Variants in PHYKPL observed in about 807,000 individuals in gnomAD.
The protein encoded by PHYKPL is 5-phosphohydroxy-L-lysine phospho-lyase.
Under a neutral mutation model 51.3 loss-of-function variants are expected in PHYKPL, and 42 were observed. That is an observed-to-expected ratio of 0.82 (90% confidence interval 0.64 to 1.06). The LOEUF (loss-of-function observed/expected upper bound fraction) is 1.06. Ranked by LOEUF, PHYKPL falls within the 50% of genes least tolerant of loss-of-function variation. The pLI, the probability that PHYKPL is intolerant of heterozygous loss-of-function variation, is 0.00. For synonymous variants in PHYKPL, 264 were observed against 236.0 expected (o/e 1.12, Z -1.09); for missense variants, 655 against 586.6 (o/e 1.12, Z -1.20).
chr5:178,228,564 CT>C, intron 3 of PHYKPL: 1 of 702,598 alleles, frequency 1.4e-6, no homozygotes, highest in Non-Finnish European at 2.6e-6. Flanking sequence ...GCTCAAGTTC[CT>C]TTCTTTGAAC....
At chr5:178,214,394 C>T (rs1287205684) in intron 10 of PHYKPL, among the ~76,000 whole-genome samples, 1 of 152,038 alleles carries the variant, frequency 6.6e-6, no homozygotes, top group Non-Finnish European at 1.5e-5. Flanking sequence ...GCATGGGAAC[C>T]CTGAGTCTAG....
chr5:178,228,969 C>T (rs529347551), intron 3 of PHYKPL, among the ~76,000 whole-genome samples: 1 of 152,338 alleles, frequency 6.6e-6, no homozygotes, highest in South Asian at 2.1e-4. Context: ...CAACAGCTCA[C>T]AGCCTCTGCT....
At chr5:178,212,823 A>T (rs1174376375) in intron 11 of PHYKPL, 150 bp downstream of exon 11, 2 of 1,135,706 alleles carry the variant, frequency 1.8e-6, no homozygotes, top group Admixed American at 5.6e-5. Flanking sequence ...TTGGGCCATG[A>T]AAGACCCTCT....
At chr5:178,222,963 A>C (rs1438694410) in intron 6 of PHYKPL, 29 bp from the exon 7 acceptor site, 6 of 1,611,038 alleles carry the variant, frequency 3.7e-6, no homozygotes, top group Non-Finnish European at 5.1e-6. Flanking sequence ...TGGGAACACG[A>C]CCATGGGGTT....
At chr5:178,226,833 A>G (rs912676797) in intron 3 of PHYKPL, 6 of 152,172 alleles carry the variant, frequency 3.9e-5, no homozygotes, top group Admixed American at 2.6e-4. Context: ...GTAACAAAAG[A>G]GTGTAACAAG....
At chr5:178,209,459 G>C (rs774619236) in intron 12 of PHYKPL, 1 of 1,608,856 alleles carries the variant, frequency 6.2e-7, no homozygotes, top group African/African-American at 1.3e-5. Context: ...TGAGTGGAAC[G>C]TGGATGAAGA....
intron 3 of PHYKPL, chr5:178,225,696 A>C: frequency 2.0e-6 from 1 of 489,026 alleles, no homozygotes; most frequent in Non-Finnish European, 3.7e-6. Flanking sequence ...AAAAACCCAA[A>C]CCATTGTTTT....
rs576067602 is a variant in PHYKPL at position 178,224,676 on chromosome 5, C to T, written c.467G>A (p.Arg156His). 32 of 1,614,084 alleles carry T rather than the reference C, an allele frequency of 2.0e-5. No individual in the cohort carries two copies. Among genetic ancestry groups the T allele is most frequent in the Non-Finnish European group, 1.9e-5 (23 of 1,180,040 alleles). ...SLIDISPYKF[R>H]NLDGQKEWVH... ...CCACTCCTTCTGGCCATCCAGGTTG[C>T]GGAACTTGTAGGGACTGATGTCAAT... Residue 156 changes from arginine to histidine, a missense_variant, in exon 5 of 13, where the codon CGC becomes CAC. Physicochemically the swap from Arg to His is conservative, Grantham distance 29. Transcript: ENST00000308158.
At chr5:178,212,004 C>CA (rs1272532511) in intron 11 of PHYKPL, 34 bp from the exon 12 acceptor site, 2 of 1,613,210 alleles carry the variant, frequency 1.2e-6, no homozygotes, top group South Asian at 2.2e-5. Context: ...CCGACTCAGT[C>CA]ACCTTTCTCT....
chr5:178,207,504 T>C (rs1414985468), downstream of PHYKPL, among the ~76,000 whole-genome samples: 1 of 152,132 alleles, frequency 6.6e-6, no homozygotes. Context: ...GCTCCTCACT[T>C]AAAGCTAGAG....
chr5:178,210,114 G>A, intron 12 of PHYKPL: 1 of 1,613,784 alleles, frequency 6.2e-7, no homozygotes, highest in Non-Finnish European at 8.5e-7. Context: ...GGGCCCCTGT[G>A]CCCTGCTCCC....
intron 10 of PHYKPL, among the ~76,000 whole-genome samples, chr5:178,214,087 G>A (rs1267545031): frequency 6.6e-6 from 1 of 152,124 alleles, no homozygotes; most frequent in Admixed American, 6.5e-5. Context: ...GAAAGGCCAA[G>A]TTCAAATACA....
At chr5:178,210,111 T>C (rs1414884305) in intron 12 of PHYKPL, 8 of 1,613,520 alleles carry the variant, frequency 5.0e-6, no homozygotes, top group Non-Finnish European at 6.8e-6. Context: ...CACGGGCCCC[T>C]GTGCCCTGCT....
rs1425590598 is a variant in PHYKPL, at chr5:178,222,440, C to A, written c.842G>T (p.Gly281Val). 2 of 1,614,248 alleles carry A rather than the reference C, an allele frequency of 1.2e-6. No individual in the cohort carries two copies. The highest frequency in any genetic ancestry group is 1.7e-6 in the Non-Finnish European group (2 of 1,180,048). Residue 281 changes from glycine (G) to valine (V), a missense_variant, in exon 8 of 13, where the codon GGC (glycine) becomes GTC (valine). Transcript: ENST00000308158. ...PDIVTMGKSIGNGHPVACVAA... is the reference protein window; with the variant it reads ...PDIVTMGKSIVNGHPVACVAA... ...CACGCAGGCAACAGGGTGGCCGTTGCCAATGGACTTGCCCATGGTGACGAT... is the reference window on the plus strand; with the variant it reads ...CACGCAGGCAACAGGGTGGCCGTTGACAATGGACTTGCCCATGGTGACGAT...
rs1181650571 is a variant in PHYKPL at position 178,230,055 on chromosome 5, T to A, written c.223A>T (p.Asn75Tyr). 7.4e-6 allele frequency: 12 copies of A among 1,614,196 alleles called. No homozygotes were observed. Among genetic ancestry groups the A allele is most frequent in the Non-Finnish European group, 1.0e-5 (12 of 1,180,030 alleles). ...PLVVQAAHEQNQVLNTNSRYL... is the reference protein window; with the variant it reads ...PLVVQAAHEQYQVLNTNSRYL... Reference sequence around the variant, plus strand: ...CGGCTGTTGGTGTTGAGCACCTGGTTCTGCTCATGTGCTGCTTGGACCACG... The same window carrying A: ...CGGCTGTTGGTGTTGAGCACCTGGTACTGCTCATGTGCTGCTTGGACCACG... The change falls in exon 3 of 13, where the codon AAC (asparagine) becomes TAC (tyrosine). Residue 75 changes from asparagine to tyrosine, a missense_variant. Transcript: ENST00000308158.
chr5:178,223,813 A>G (rs1203347977), intron 6 of PHYKPL: 2 of 257,286 alleles, frequency 7.8e-6, no homozygotes, highest in Non-Finnish European at 1.6e-5. Flanking sequence ...TCTCTCTCCT[A>G]TGTCTGCGCC....
intron 2 of PHYKPL, 65 bp from the exon 3 acceptor site, chr5:178,230,164 A>G: frequency 6.3e-7 from 1 of 1,596,332 alleles, no homozygotes; most frequent in Non-Finnish European, 8.5e-7. Context: ...GGCCTCCCCC[A>G]GCCCCAAGCT....
At chr5:178,224,317 C>T (rs1345423966) in intron 6 of PHYKPL, 131 bp downstream of exon 6, 5 of 1,030,188 alleles carry the variant, frequency 4.9e-6, no homozygotes, top group Non-Finnish European at 7.0e-6. Flanking sequence ...CAAACTGCCC[C>T]TATCCCAGAT....
chr5:178,210,474 C>CTGGGAAG, intron 12 of PHYKPL: 1 of 1,510,780 alleles, frequency 6.6e-7, no homozygotes, highest in Non-Finnish European at 9.2e-7. Flanking sequence ...GGTGAGGGTC[C>CTGGGAAG]TGGGAAGATG....
Sources: gnomAD v4.1 joint callset for allele counts (sites outside exome capture counted in the v4.1 genomes callset) on GRCh38, gnomAD v4.1.1 for gene constraint, MANE v1.5 for transcripts, NCBI Gene and HGNC (gene_info 2026-07-23, HGNC 2026-07-21) for gene names.